The following RALGPS2 variants were observed in gnomAD, a reference collection of about 807,000 sequenced individuals.
RALGPS2 encodes the protein Ral GEF with PH domain and SH3 binding motif 2.
In RALGPS2, 43 loss-of-function variants were observed where a neutral mutation model predicts 86.8. That is an observed-to-expected ratio of 0.50 (90% CI 0.39 to 0.64). The LOEUF is 0.64. Ranked by LOEUF, RALGPS2 falls within the 30% of genes least tolerant of loss-of-function variation. RALGPS2 has a pLI of 0.00. For synonymous variants in RALGPS2, 243 were observed against 231.3 expected, an observed-to-expected ratio of 1.05 and a Z score of -0.46; for missense variants, 536 against 694.6, an observed-to-expected ratio of 0.77 and a Z score of 2.57.
At chr1:178,829,644 G>A (rs1407542804) in intron 7 of RALGPS2, among the ~76,000 whole-genome samples, 1 of 152,274 alleles carries the variant, frequency 6.6e-6, no homozygotes, top group South Asian at 2.1e-4. Context: ...GAGATCTAAT[G>A]TACAGCATGA....
intron 1 of RALGPS2, among the ~76,000 whole-genome samples, chr1:178,756,431 C>T (rs1651960782): frequency 6.6e-6 from 1 of 152,156 alleles, no homozygotes; most frequent in East Asian, 1.9e-4. Context: ...TCCCATTGCT[C>T]ATTTTTGTTA....
intron 1 of RALGPS2, among the ~76,000 whole-genome samples, chr1:178,763,696 C>G (rs992562613): frequency 6.6e-6 from 1 of 151,996 alleles, no homozygotes; most frequent in African/African-American, 2.4e-5. Context: ...TTTGTACTTT[C>G]TTCTCATTAG....
At chr1:178,873,042 T>C (rs1658839848) in intron 8 of RALGPS2, among the ~76,000 whole-genome samples, 1 of 151,918 alleles carries the variant, frequency 6.6e-6, no homozygotes, top group South Asian at 2.1e-4. Context: ...GGTGGGGGCT[T>C]AGGGGGAAGA....
chr1:178,781,365 AC>A (rs796121752), intron 2 of RALGPS2, among the ~76,000 whole-genome samples: 11 of 152,322 alleles, frequency 7.2e-5, no homozygotes, highest in African/African-American at 2.6e-4. Context: ...TGGATAAAAT[AC>A]TTTATCCTTT....
chr1:178,905,404 G>A (rs1660351769), intron 18 of RALGPS2, among the ~76,000 whole-genome samples: 1 of 152,174 alleles, frequency 6.6e-6, no homozygotes, highest in African/African-American at 2.4e-5. Context: ...GGGTGAGTAT[G>A]TAAATTGTAG....
In RALGPS2 at chr1:178,833,434, G is replaced by A. The variant is rs775446560; in HGVS notation, c.491G>A (p.Arg164Gln). Residue 164 changes from arginine (R) to glutamine (Q), a missense_variant, in exon 8 of 20, where the codon CGA becomes CAA. Arg to Gln is a conservative substitution (Grantham distance 43, BLOSUM62 1). Coordinates refer to ENST00000367635, the MANE Select transcript of RALGPS2 (RefSeq NM_152663.5). Reference sequence around the variant, plus strand: ...CTGTTTGTTTTTTAGTTATTAAGTCGAAAAGACAAAACTACCTTTGAAAAA... The same window carrying A: ...CTGTTTGTTTTTTAGTTATTAAGTCAAAAAGACAAAACTACCTTTGAAAAA... ...RLTKTWALLS[R>Q]KDKTTFEKLE... The A allele has an allele frequency of 4.7e-6, 7 of 1,502,534 alleles. No homozygotes were observed. The highest frequency in any genetic ancestry group is 2.8e-5 in the Admixed American group (1 of 36,014). The allele number at this position is 1,502,534 out of a possible 1,614,324, so 93.1% of individuals were successfully genotyped here.
At chr1:178,832,321 A>T (rs1031919836) in intron 7 of RALGPS2, among the ~76,000 whole-genome samples, 1 of 152,208 alleles carries the variant, frequency 6.6e-6, no homozygotes, top group East Asian at 1.9e-4. Flanking sequence ...TTCTGAAGAT[A>T]GTCTGCATCT....
At chr1:178,859,692 G>A (rs1167948932) in intron 8 of RALGPS2, among the ~76,000 whole-genome samples, 7 of 118,806 alleles carry the variant, frequency 5.9e-5, no homozygotes, top group Admixed American at 2.8e-4. Flanking sequence ...CATACACGAA[G>A]CACTTTTTTT....
chr1:178,856,458 T>C (rs1657593992), intron 8 of RALGPS2, among the ~76,000 whole-genome samples: 1 of 125,424 alleles, frequency 8.0e-6, no homozygotes, highest in South Asian at 3.0e-4. Flanking sequence ...TTGCCCAGGG[T>C]GGTCTTGAAC....
At chr1:178,869,885 G>C (rs529782147) in intron 8 of RALGPS2, among the ~76,000 whole-genome samples, 2 of 151,984 alleles carry the variant, frequency 1.3e-5, no homozygotes, top group Non-Finnish European at 2.9e-5. Flanking sequence ...AAAGCTCCCA[G>C]ATAGAATATT....
At chr1:178,748,701 A>G (rs1651478699) in intron 1 of RALGPS2, among the ~76,000 whole-genome samples, 2 of 151,956 alleles carry the variant, frequency 1.3e-5, no homozygotes, top group African/African-American at 4.8e-5. Context: ...AAAAATATAA[A>G]AATTAGCTGG....
At position 178,883,527 on chromosome 1, in the gene RALGPS2, T is replaced by G. The variant is rs1386801126; in HGVS notation, c.898T>G (p.Leu300Val). 1 of 1,610,364 alleles carries G rather than the reference T, an allele frequency of 6.2e-7. No individual in the cohort carries two copies. The highest frequency in any genetic ancestry group is 1.7e-5 in the Admixed American group (1 of 59,982). The part of the protein sequence containing the change: ...TPRSAASRED[L>V]VGPEVGASPQ... ...ACGTTCTGCTGCTTCCAGAGAAGAT[T>G]TAGTAGGTCAGTACGTAGTTTTCTC... is the stretch of plus-strand genomic sequence containing the variant. The change falls in exon 11 of 20, where the codon TTA becomes GTA. Residue 300 changes from leucine (L) to valine (V), a missense_variant. Physicochemically the swap from Leu to Val is conservative, Grantham distance 32. Transcript: ENST00000367635.
At chr1:178,909,276 A>G (rs1296893451) in intron 19 of RALGPS2, among the ~76,000 whole-genome samples, 1 of 152,016 alleles carries the variant, frequency 6.6e-6, no homozygotes, top group Non-Finnish European at 1.5e-5. Context: ...TTCCATTGGT[A>G]TCTGTTTTTG....
At chr1:178,794,738 CT>C (rs1224325880) in intron 4 of RALGPS2, among the ~76,000 whole-genome samples, 1 of 152,064 alleles carries the variant, frequency 6.6e-6, no homozygotes, top group East Asian at 1.9e-4. Flanking sequence ...TTCTCTGGTG[CT>C]TTTAATAAGC....
At chr1:178,904,369 A>G (rs1464449898) in intron 18 of RALGPS2, among the ~76,000 whole-genome samples, 1 of 151,984 alleles carries the variant, frequency 6.6e-6, no homozygotes, top group African/African-American at 2.4e-5. Context: ...GGTCCCAACT[A>G]TTTATCTTTG....
chr1:178,892,784 G>A (rs1471945579), intron 15 of RALGPS2, among the ~76,000 whole-genome samples: 2 of 152,062 alleles, frequency 1.3e-5, no homozygotes, highest in African/African-American at 4.8e-5. Flanking sequence ...TATTCATTCA[G>A]TTGTTTGTCT....
intron 1 of RALGPS2, among the ~76,000 whole-genome samples, chr1:178,750,091 A>G (rs900692250): frequency 6.6e-6 from 1 of 152,204 alleles, no homozygotes; most frequent in Non-Finnish European, 1.5e-5. Flanking sequence ...AGCCTTGGTG[A>G]CAGAGTGAGA....
At chr1:178,842,661 TTAAAC>T (rs1217094743) in intron 8 of RALGPS2, among the ~76,000 whole-genome samples, 25 of 139,580 alleles carry the variant, frequency 1.8e-4, no homozygotes, top group Non-Finnish European at 3.0e-4. Context: ...TGGGATCTAA[TTAAAC>T]TAAAGAGCTT....
intron 4 of RALGPS2, among the ~76,000 whole-genome samples, chr1:178,789,888 A>C (rs1435718371): frequency 6.6e-6 from 1 of 152,188 alleles, no homozygotes; most frequent in Non-Finnish European, 1.5e-5. Flanking sequence ...CTGCCCAATG[A>C]GAGAGTGTTT....
Sources: gnomAD v4.1 joint callset for allele counts (sites outside exome capture counted in the v4.1 genomes callset) on GRCh38, gnomAD v4.1.1 for gene constraint, MANE v1.5 for transcripts, NCBI Gene and HGNC (gene_info 2026-07-23, HGNC 2026-07-21) for gene names.